Variants in SNTG1 observed in about 807,000 individuals in gnomAD.
The protein encoded by SNTG1 is syntrophin gamma 1, also known as gamma-1-syntrophin.
In SNTG1, 39 loss-of-function variants were observed where a neutral mutation model predicts 74.7. That is an observed-to-expected ratio of 0.52 (90% CI 0.40 to 0.68). The LOEUF (loss-of-function observed/expected upper bound fraction) is 0.68. Among genes scored for constraint, SNTG1 ranks in the 30% least tolerant of loss-of-function variants. SNTG1 has a pLI of 0.00. For missense variants in SNTG1, 685 were observed against 609.5 expected (o/e 1.12, Z -1.30); for synonymous variants, 254 against 217.1 (o/e 1.17, Z -1.49).
rs575026898 is a variant in SNTG1, at chr8:49,969,387, C to CTTT, written c.-103+57181_-103+57183dup. Among the ~76,000 whole-genome samples the CTTT allele has an allele frequency of 1.9e-3, 89 of 47,190 alleles. 4 individuals are homozygous for CTTT. Among genetic ancestry groups the CTTT allele is most frequent in the African/African-American group, 4.6e-3 (84 of 18,092 alleles). The allele number at this position is 47,190 out of a possible 152,430, so 31.0% of individuals were successfully genotyped here. On this transcript the variant is annotated intron_variant, in intron 1 of 18. Coordinates refer to ENST00000642720, the MANE Select transcript of SNTG1 (RefSeq NM_018967.5). ...AAATACACATTTTAATTCATTTAAT[C>CTTT]TTTTTTTTTTTTTTTTTTTTTTTTT...
intron 17 of SNTG1, among the ~76,000 whole-genome samples, chr8:50,729,711 G>C (rs768226318): frequency 7.9e-5 from 12 of 152,200 alleles, no homozygotes; most frequent in Non-Finnish European, 1.6e-4. Flanking sequence ...GGACACACCT[G>C]TATGTAAAGA....
chr8:50,600,722 T>A (rs886918687), intron 13 of SNTG1, among the ~76,000 whole-genome samples: 1 of 152,142 alleles, frequency 6.6e-6, no homozygotes, highest in Admixed American at 6.6e-5. Context: ...ATATTATTTA[T>A]CTGTTTAAAA....
At chr8:50,790,383 T>C (rs2095687518) in intron 18 of SNTG1, among the ~76,000 whole-genome samples, 2 of 151,946 alleles carry the variant, frequency 1.3e-5, no homozygotes, top group African/African-American at 2.4e-5. Flanking sequence ...TATTTAGTGA[T>C]ATCTGAGGGA....
intron 4 of SNTG1, among the ~76,000 whole-genome samples, chr8:50,432,924 G>A (rs2093255328): frequency 6.6e-6 from 1 of 151,948 alleles, no homozygotes; most frequent in African/African-American, 2.4e-5. Flanking sequence ...CCAAGTAGCT[G>A]GGATTACAGC....
chr8:50,393,897 T>A (rs138943334), intron 2 of SNTG1, among the ~76,000 whole-genome samples: 2 of 152,336 alleles, frequency 1.3e-5, no homozygotes, highest in African/African-American at 2.4e-5. Context: ...ATGTTGGGAA[T>A]GAGCGAGAAG....
chr8:50,255,843 G>C (rs538878756), intron 2 of SNTG1, among the ~76,000 whole-genome samples: 3 of 152,204 alleles, frequency 2.0e-5, no homozygotes, highest in South Asian at 2.1e-4. Flanking sequence ...TAAGAATTTG[G>C]GGGGTGGGGA....
At chr8:50,471,747 G>C (rs2093655914) in intron 8 of SNTG1, among the ~76,000 whole-genome samples, 1 of 152,130 alleles carries the variant, frequency 6.6e-6, no homozygotes, top group African/African-American at 2.4e-5. Context: ...AAAGCAAACT[G>C]TGGTAAAATG....
At chr8:50,443,567 T>A (rs2093377718) in intron 5 of SNTG1, among the ~76,000 whole-genome samples, 1 of 152,206 alleles carries the variant, frequency 6.6e-6, no homozygotes, top group African/African-American at 2.4e-5. Flanking sequence ...TACTTCATAT[T>A]TAGTTCAATT....
At chr8:50,468,946 C>T (rs74858094) in intron 8 of SNTG1, among the ~76,000 whole-genome samples, 3,512 of 152,224 alleles carry the variant, frequency 0.023, 126 homozygotes, top group African/African-American at 0.077. Context: ...TATGACATTA[C>T]TATAATTTAT....
rs80187906 is a variant in SNTG1 at position 49,950,738 on chromosome 8, C to T, written c.-103+38507C>T. Among the ~76,000 whole-genome samples the T allele has an allele frequency of 5.0e-3, 755 of 152,188 alleles. 9 individuals are homozygous for T. Among genetic ancestry groups the T allele is most frequent in the African/African-American group, 0.017 (696 of 41,524 alleles). ...AGGGTATGTTTGATCATGTATAAAA[C>T]GTCTAGGCAGCTGGCTTTGATTTGG... On this transcript the variant is annotated intron_variant, in intron 1 of 18. Coordinates refer to ENST00000642720, the MANE Select transcript of SNTG1 (RefSeq NM_018967.5).
At chr8:50,325,376 G>A (rs949611041) in intron 2 of SNTG1, among the ~76,000 whole-genome samples, 8 of 151,800 alleles carry the variant, frequency 5.3e-5, no homozygotes, top group African/African-American at 1.9e-4. Flanking sequence ...TAATTTAGTT[G>A]TTTTTAAATT....
chr8:50,147,670 A>G (rs1489722191), intron 1 of SNTG1, among the ~76,000 whole-genome samples: 1 of 152,208 alleles, frequency 6.6e-6, no homozygotes, highest in Non-Finnish European at 1.5e-5. Flanking sequence ...TTTGAAGCTC[A>G]TAGTTCTGGA....
intron 8 of SNTG1, among the ~76,000 whole-genome samples, chr8:50,501,479 A>C (rs1160029627): frequency 8.7e-5 from 10 of 114,414 alleles, no homozygotes; most frequent in African/African-American, 3.5e-4. Flanking sequence ...CTTGCTGCCC[A>C]GGCTGGAGTG....
At chr8:50,346,543 C>T (rs531843691) in intron 2 of SNTG1, among the ~76,000 whole-genome samples, 23 of 152,270 alleles carry the variant, frequency 1.5e-4, no homozygotes, top group African/African-American at 3.4e-4. Flanking sequence ...AAGGAAGCCA[C>T]GTTTCTCCCT....
intron 1 of SNTG1, among the ~76,000 whole-genome samples, chr8:50,071,247 G>A (rs188625368): frequency 1.3e-4 from 20 of 152,138 alleles, no homozygotes; most frequent in Admixed American, 3.3e-4. Context: ...CACCCAGGTC[G>A]GAGTTCAGTG....
At chr8:50,716,407 A>AT (rs2095475145) in intron 17 of SNTG1, among the ~76,000 whole-genome samples, 1 of 151,404 alleles carries the variant, frequency 6.6e-6, no homozygotes. Flanking sequence ...AATTATATAT[A>AT]TATTTTTTCT....
At chr8:49,923,494 A>G (rs562949339) in intron 1 of SNTG1, among the ~76,000 whole-genome samples, 22 of 152,132 alleles carry the variant, frequency 1.4e-4, no homozygotes, top group Non-Finnish European at 2.8e-4. Flanking sequence ...TTCAATGTGT[A>G]CTTCCAGAAC....
chr8:50,510,469 G>A (rs2094059228), intron 9 of SNTG1, among the ~76,000 whole-genome samples: 1 of 152,094 alleles, frequency 6.6e-6, no homozygotes. Context: ...TCTATTGATT[G>A]GAATAGTTTC....
chr8:50,701,819 TCTC>T lies in SNTG1; in HGVS notation c.1039-2760_1039-2758del, dbSNP rs748825249. On this transcript the variant is annotated intron_variant, in intron 15 of 18. Coordinates refer to ENST00000642720, the MANE Select transcript of SNTG1 (RefSeq NM_018967.5). ...CTCCTCCTCTTCTTCTTCTTCTTCT[TCTC>T]CTCCTCCTCCTCCTCCTCCTTCTCC... Among the ~76,000 whole-genome samples the T allele has an allele frequency of 3.8e-3, 549 of 144,276 alleles. 2 individuals are homozygous for T. The highest frequency in any genetic ancestry group is 6.0e-3 in the South Asian group (27 of 4,464). The allele number at this position is 144,276 out of a possible 152,430, so 94.7% of individuals were successfully genotyped here.
Sources: gnomAD v4.1 joint callset for allele counts (sites outside exome capture counted in the v4.1 genomes callset) on GRCh38, gnomAD v4.1.1 for gene constraint, MANE v1.5 for transcripts, NCBI Gene and HGNC (gene_info 2026-07-23, HGNC 2026-07-21) for gene names.